The following MEIS2 variants were observed in gnomAD, a reference collection of about 807,000 sequenced individuals.
MEIS2 encodes the protein homeobox protein Meis2.
MEIS2 carries 9 observed loss-of-function variants against 58.6 expected under a neutral mutation model. The ratio of observed to expected loss-of-function variants is 0.15; its 90% CI spans 0.09 to 0.27. The LOEUF is 0.27. MEIS2 is among the 10% of genes least tolerant of loss of function. The pLI is 1.00. For synonymous variants in MEIS2, 221 were observed against 228.4 expected (o/e 0.97, Z 0.29); for missense variants, 427 against 635.0 (o/e 0.67, Z 3.52).
rs774672104 is a variant in MEIS2, at chr15:37,099,495, G to A, written c.-29C>T. 5.0e-6 allele frequency: 8 copies of A among 1,613,516 alleles called. No homozygotes were observed. The Admixed American group carries it at 1.2e-4, about 24-fold the overall frequency. On this transcript the variant is annotated 5_prime_UTR_variant, in exon 1 of 12. Transcript: ENST00000561208. ...TCTGCGCTCCAATAAACTCCTGGATGTGTCGTATATTTAATATCCCAGTCC... is the reference window on the plus strand; with the variant it reads ...TCTGCGCTCCAATAAACTCCTGGATATGTCGTATATTTAATATCCCAGTCC...
chr15:37,048,640 A>G (rs1218475746), intron 7 of MEIS2, among the ~76,000 whole-genome samples: 1 of 152,112 alleles, frequency 6.6e-6, no homozygotes, highest in East Asian at 1.9e-4. Context: ...ACAAAAGAAT[A>G]TTTTAATAAA....
At chr15:36,940,972 C>A (rs577904968) in intron 9 of MEIS2, among the ~76,000 whole-genome samples, 6 of 152,194 alleles carry the variant, frequency 3.9e-5, no homozygotes, top group African/African-American at 1.2e-4. Context: ...AAAAGAATCA[C>A]AAGGAAAGTT....
intron 9 of MEIS2, among the ~76,000 whole-genome samples, chr15:36,935,578 A>C (rs2058136166): frequency 2.0e-5 from 3 of 152,152 alleles, no homozygotes; most frequent in Admixed American, 1.3e-4. Context: ...CAGCAATATA[A>C]AGTTACGTAG....
intron 9 of MEIS2, among the ~76,000 whole-genome samples, chr15:36,930,175 C>T (rs1033294167): frequency 1.4e-5 from 2 of 142,770 alleles, no homozygotes; most frequent in Non-Finnish European, 1.5e-5. Flanking sequence ...TGTACTCCAG[C>T]CTGGGTGACA....
At chr15:36,931,726 A>G (rs2057985793) in intron 9 of MEIS2, among the ~76,000 whole-genome samples, 1 of 152,194 alleles carries the variant, frequency 6.6e-6, no homozygotes, top group African/African-American at 2.4e-5. Flanking sequence ...AGTGGGATCA[A>G]CCTGTCTCCA....
intron 7 of MEIS2, among the ~76,000 whole-genome samples, chr15:37,049,042 T>G (rs757444712): frequency 4.6e-5 from 7 of 152,220 alleles, no homozygotes; most frequent in Non-Finnish European, 1.0e-4. Context: ...AAAAGTAAAG[T>G]GATGCATTCA....
At chr15:36,983,759 A>G (rs1356052191) in intron 8 of MEIS2, among the ~76,000 whole-genome samples, 1 of 152,114 alleles carries the variant, frequency 6.6e-6, no homozygotes, top group East Asian at 1.9e-4. Flanking sequence ...AACAATATTA[A>G]TACTTCCAAT....
intron 7 of MEIS2, among the ~76,000 whole-genome samples, chr15:37,060,396 T>C (rs1889045396): frequency 6.6e-6 from 1 of 152,188 alleles, no homozygotes; most frequent in Admixed American, 6.5e-5. Context: ...CACACTTTTC[T>C]TAGGGTAGGT....
At chr15:37,007,693 C>T (rs1436251551) in intron 8 of MEIS2, among the ~76,000 whole-genome samples, 5 of 152,240 alleles carry the variant, frequency 3.3e-5, no homozygotes, top group Admixed American at 1.3e-4. Flanking sequence ...TGTGAATACA[C>T]ACTTGGGGAC....
intron 8 of MEIS2, among the ~76,000 whole-genome samples, chr15:36,992,828 G>T (rs568468660): frequency 6.6e-6 from 1 of 152,034 alleles, no homozygotes; most frequent in East Asian, 1.9e-4. Context: ...ATCTACTCAG[G>T]TTTTCTCGCA....
At chr15:37,023,488 C>T (rs555987316) in intron 8 of MEIS2, among the ~76,000 whole-genome samples, 12 of 152,288 alleles carry the variant, frequency 7.9e-5, no homozygotes, top group Middle Eastern at 3.4e-3. Context: ...TTATTATTCA[C>T]ATGAACTGTA....
chr15:37,087,458 A>T (rs2141930990), intron 6 of MEIS2, among the ~76,000 whole-genome samples: 1 of 152,284 alleles, frequency 6.6e-6, no homozygotes, highest in East Asian at 1.9e-4. Flanking sequence ...GTTGTAATTA[A>T]TATAAAAGCA....
intron 8 of MEIS2, among the ~76,000 whole-genome samples, chr15:36,989,983 C>T (rs1011128971): frequency 6.6e-6 from 1 of 152,108 alleles, no homozygotes; most frequent in Non-Finnish European, 1.5e-5. Flanking sequence ...CTCACTCTGT[C>T]GCCCAGGCTG....
At chr15:36,950,825 C>A (rs1355081660) in intron 8 of MEIS2, among the ~76,000 whole-genome samples, 1 of 152,078 alleles carries the variant, frequency 6.6e-6, no homozygotes, top group Non-Finnish European at 1.5e-5. Context: ...ATATAATCAT[C>A]CTTCTCTAGT....
chr15:36,957,761 A>G (rs927083211), intron 8 of MEIS2, among the ~76,000 whole-genome samples: 5 of 152,248 alleles, frequency 3.3e-5, no homozygotes, highest in African/African-American at 1.2e-4. Flanking sequence ...CAAGTGTTCA[A>G]TACATACTTG....
chr15:37,005,133 A>T (rs575866851), intron 8 of MEIS2, among the ~76,000 whole-genome samples: 1 of 152,252 alleles, frequency 6.6e-6, no homozygotes, highest in East Asian at 1.9e-4. Flanking sequence ...CCTTTTCAAC[A>T]TCATGGCTAC....
chr15:36,895,574 T>C (rs1028668612), intron 10 of MEIS2, among the ~76,000 whole-genome samples: 2 of 152,184 alleles, frequency 1.3e-5, no homozygotes, highest in African/African-American at 4.8e-5. Flanking sequence ...TATACAAATA[T>C]TGCAATGTAC....
intron 9 of MEIS2, among the ~76,000 whole-genome samples, chr15:36,936,323 G>A (rs2058173299): frequency 6.6e-6 from 1 of 151,750 alleles, no homozygotes; most frequent in Admixed American, 6.6e-5. Flanking sequence ...AGCCTCCCGA[G>A]TAGCTGGGAC....
chr15:36,956,917 A>G (rs892830943), intron 8 of MEIS2, among the ~76,000 whole-genome samples: 1 of 149,644 alleles, frequency 6.7e-6, no homozygotes, highest in African/African-American at 2.4e-5. Flanking sequence ...AAGGAGAAGC[A>G]TGAGGAGGAA....
Sources: allele counts gnomAD v4.1 joint callset (sites outside exome capture counted in the v4.1 genomes callset), GRCh38; gene constraint gnomAD v4.1.1; transcripts MANE v1.5; gene names NCBI Gene and HGNC (gene_info 2026-07-23, HGNC 2026-07-21).